Variants in RALYL observed in about 807,000 individuals in gnomAD.
RALYL encodes RALY RNA binding protein like, also known as RNA-binding Raly-like protein.
RALYL carries 29 observed loss-of-function variants against 35.1 expected under a neutral mutation model. The ratio of observed to expected loss-of-function variants is 0.83; its 90% CI spans 0.61 to 1.13. RALYL has a LOEUF of 1.13. Among genes scored for constraint, RALYL ranks in the 50% most tolerant of loss-of-function variants. The pLI, the probability that RALYL is intolerant of heterozygous loss-of-function variation, is 0.00. For synonymous variants in RALYL, 120 were observed against 127.6 expected (o/e 0.94, Z 0.40); for missense variants, 359 against 360.4 (o/e 1.00, Z 0.03).
intron 2 of RALYL, among the ~76,000 whole-genome samples, chr8:84,729,209 C>T: frequency 6.6e-6 from 1 of 151,896 alleles, no homozygotes; most frequent in Non-Finnish European, 1.5e-5. Flanking sequence ...TAAGTTGGAA[C>T]CTAGGTATTT....
chr8:84,313,445 A>G (rs1223832563), intron 1 of RALYL, among the ~76,000 whole-genome samples: 3 of 152,158 alleles, frequency 2.0e-5, no homozygotes, highest in Non-Finnish European at 4.4e-5. Flanking sequence ...CTTCCAAACC[A>G]TTATGATCTG....
intron 1 of RALYL, among the ~76,000 whole-genome samples, chr8:84,407,539 G>A (rs2043666348): frequency 6.6e-6 from 1 of 151,612 alleles, no homozygotes; most frequent in Non-Finnish European, 1.5e-5. Flanking sequence ...GCTCAAAACT[G>A]AACATGTTCA....
At chr8:84,321,195 A>C (rs543277013) in intron 1 of RALYL, among the ~76,000 whole-genome samples, 246 of 152,264 alleles carry the variant, frequency 1.6e-3, no homozygotes, top group African/African-American at 5.7e-3. Context: ...TATAAAACAA[A>C]ATGCACGAGT....
Position 84,864,290 on chromosome 8 carries a change from T to A in RALYL, c.571+1837T>A, listed in dbSNP as rs944059628. 4.6e-5 allele frequency among the ~76,000 whole-genome samples: 7 copies of A among 152,260 alleles called. 1 individual carries two copies. In the South Asian group the frequency reaches 6.2e-4, roughly 14 times the overall value. ...TACTAAATACAAACTAGAGATATTTTGAAAGAAATGTGGTGTGTTTTATTT... is the reference window on the plus strand; with the variant it reads ...TACTAAATACAAACTAGAGATATTTAGAAAGAAATGTGGTGTGTTTTATTT... On this transcript the variant is annotated intron_variant, in intron 6 of 8. Transcript: ENST00000521268.
chr8:84,671,092 A>T (rs1366171850), intron 2 of RALYL, among the ~76,000 whole-genome samples: 1 of 152,194 alleles, frequency 6.6e-6, no homozygotes, highest in African/African-American at 2.4e-5. Context: ...GGCCAAAACG[A>T]AGGGTCTATA....
intron 1 of RALYL, among the ~76,000 whole-genome samples, chr8:84,334,761 A>G (rs1240070519): frequency 1.3e-5 from 2 of 152,088 alleles, no homozygotes; most frequent in African/African-American, 4.8e-5. Context: ...CTGGAACATA[A>G]CCTCAGCTTT....
intron 1 of RALYL, among the ~76,000 whole-genome samples, chr8:84,476,575 T>C (rs1230736084): frequency 6.6e-6 from 1 of 152,234 alleles, no homozygotes; most frequent in African/African-American, 2.4e-5. Context: ...TTCCTACTGA[T>C]ACCTGAAGGT....
chr8:84,482,814 G>A (rs1324417829), intron 1 of RALYL, among the ~76,000 whole-genome samples: 2 of 151,958 alleles, frequency 1.3e-5, no homozygotes, highest in African/African-American at 4.8e-5. Context: ...GTTTGCCATG[G>A]CATAAGTTTA....
At chr8:84,536,963 A>C (rs1413662629) in intron 2 of RALYL, among the ~76,000 whole-genome samples, 1 of 151,952 alleles carries the variant, frequency 6.6e-6, no homozygotes, top group African/African-American at 2.4e-5. Context: ...CACTAACTAA[A>C]CGTTCAACTC....
intron 2 of RALYL, among the ~76,000 whole-genome samples, chr8:84,560,730 G>A (rs2061421571): frequency 6.6e-6 from 1 of 151,914 alleles, no homozygotes; most frequent in South Asian, 2.1e-4. Flanking sequence ...GAGAGGATAA[G>A]GTAGACACGG....
intron 1 of RALYL, among the ~76,000 whole-genome samples, chr8:84,470,222 T>A (rs1455665023): frequency 2.6e-5 from 4 of 152,152 alleles, no homozygotes; most frequent in African/African-American, 9.7e-5. Flanking sequence ...GATGTACACA[T>A]CCACTTGCAT....
chr8:84,500,572 T>G (rs711032), intron 1 of RALYL, among the ~76,000 whole-genome samples: 82,370 of 151,826 alleles, frequency 0.54, 22,478 homozygotes, highest in East Asian at 0.66. Context: ...GTCTCCAGTC[T>G]GATACTAATT....
chr8:84,693,253 G>A (rs952847948), intron 2 of RALYL, among the ~76,000 whole-genome samples: 3 of 151,906 alleles, frequency 2.0e-5, no homozygotes, highest in Non-Finnish European at 2.9e-5. Flanking sequence ...AATTTATAAA[G>A]CAAAGAGGTT....
chr8:84,447,946 A>T (rs958015508), intron 1 of RALYL, among the ~76,000 whole-genome samples: 4 of 151,992 alleles, frequency 2.6e-5, no homozygotes, highest in Non-Finnish European at 5.9e-5. Flanking sequence ...GGGCTAGGGG[A>T]AGAAAATGTA....
At chr8:84,656,767 T>C (rs932691601) in intron 2 of RALYL, among the ~76,000 whole-genome samples, 1 of 152,110 alleles carries the variant, frequency 6.6e-6, no homozygotes, top group Non-Finnish European at 1.5e-5. Flanking sequence ...TTGAAATATA[T>C]ATAAAATGAG....
intron 2 of RALYL, among the ~76,000 whole-genome samples, chr8:84,649,436 C>T (rs373244804): frequency 5.9e-5 from 9 of 151,624 alleles, no homozygotes; most frequent in East Asian, 3.9e-4. Flanking sequence ...AGTCTTTAAT[C>T]CATCTTGAAT....
intron 2 of RALYL, among the ~76,000 whole-genome samples, chr8:84,695,054 T>A (rs998557571): frequency 1.3e-4 from 20 of 151,808 alleles, no homozygotes; most frequent in Non-Finnish European, 2.5e-4. Flanking sequence ...TTAACAAATA[T>A]CAAGAAGAAT....
intron 2 of RALYL, among the ~76,000 whole-genome samples, chr8:84,581,379 T>C (rs1171664490): frequency 6.6e-6 from 1 of 152,174 alleles, no homozygotes; most frequent in Non-Finnish European, 1.5e-5. Flanking sequence ...TGACTATATC[T>C]ATTGTAACCC....
At chr8:84,712,538 A>AGC in intron 2 of RALYL, among the ~76,000 whole-genome samples, 1 of 152,122 alleles carries the variant, frequency 6.6e-6, no homozygotes, top group East Asian at 1.9e-4. Flanking sequence ...TTCAAAGGTC[A>AGC]CTTTTGTACC....
Sources: gnomAD v4.1 joint callset for allele counts (sites outside exome capture counted in the v4.1 genomes callset) on GRCh38, gnomAD v4.1.1 for gene constraint, MANE v1.5 for transcripts, NCBI Gene and HGNC (gene_info 2026-07-23, HGNC 2026-07-21) for gene names.